Variants in URB1 observed in about 807,000 individuals in gnomAD.
URB1 encodes nucleolar pre-ribosomal-associated protein 1.
URB1 carries 197 observed loss-of-function variants against 242.3 expected under a neutral mutation model. The observed-to-expected ratio is 0.81, with a 90% CI of 0.72 to 0.91. The LOEUF is 0.91. Ranked by LOEUF, URB1 falls within the 40% of genes least tolerant of loss-of-function variation. The probability of loss-of-function intolerance (pLI) is 0.00; values close to 1 mark genes in which losing one functional copy is unlikely to be tolerated. For synonymous variants in URB1, 1,153 were observed against 1,201.8 expected, an observed-to-expected ratio of 0.96 and a Z score of 0.84; for missense variants, 2,721 against 2,860.5, an observed-to-expected ratio of 0.95 and a Z score of 1.11.
chr21:32,388,269 C>T (rs1156403936), intron 1 of URB1, among the ~76,000 whole-genome samples: 4 of 152,186 alleles, frequency 2.6e-5, no homozygotes, highest in African/African-American at 9.7e-5. Flanking sequence ...CAGAACCTAC[C>T]TGACAGGGTT....
In URB1 at chr21:32,333,360, G is replaced by A. The variant is rs191583154; in HGVS notation, c.4917C>T (p.Asp1639=). The A allele has an allele frequency of 8.4e-6, 13 of 1,551,764 alleles. No individual in the cohort carries two copies. The Admixed American group carries it at 9.8e-5, about 12-fold the overall frequency. The change falls in exon 30 of 39, where the codon GAC becomes GAT. Residue 1639 remains aspartate, a synonymous_variant. Coordinates refer to ENST00000382751, the MANE Select transcript of URB1 (RefSeq NM_014825.3). ...KSRVDLDGLY[D]PCFLLQLFSE... ...TGAAGAGCTGAAGGAGAAAGCAGGG[G>A]TCATAGAGGCCATCAAGATCCACCC...
At chr21:32,384,850 G>A (rs760160175) in intron 2 of URB1, among the ~76,000 whole-genome samples, 24 of 152,086 alleles carry the variant, frequency 1.6e-4, no homozygotes, top group Middle Eastern at 3.2e-3. Context: ...GCGTGGTGGC[G>A]GGCGCCTGTA....
chr21:32,326,030 G>A (rs1355994545), intron 30 of URB1, among the ~76,000 whole-genome samples: 1 of 151,830 alleles, frequency 6.6e-6, no homozygotes, highest in Non-Finnish European at 1.5e-5. Context: ...GCCGAGAGAA[G>A]CTGACAATCA....
chr21:32,354,300 A>C (rs1283359652), intron 17 of URB1, among the ~76,000 whole-genome samples, 197 bp from the exon 18 acceptor site: 2 of 152,224 alleles, frequency 1.3e-5, no homozygotes, highest in Non-Finnish European at 2.9e-5. Context: ...TTGTCTGATA[A>C]AATGCAGGAT....
chr21:32,325,220 C>A lies in URB1; in HGVS notation c.5121+9G>T. 6.5e-7 allele frequency: 1 copy of A among 1,547,718 alleles called. No homozygotes were observed. The highest frequency in any genetic ancestry group is 8.7e-7 in the Non-Finnish European group (1 of 1,144,080). Reference sequence around the variant, plus strand: ...CCCCCACAGTAGGATGTACGCTCTTCCTACTTACCTGGGACTGCTCTTGGA... The same window carrying A: ...CCCCCACAGTAGGATGTACGCTCTTACTACTTACCTGGGACTGCTCTTGGA... On this transcript the variant is annotated intron_variant, in intron 31 of 38. Coordinates refer to ENST00000382751, the MANE Select transcript of URB1 (RefSeq NM_014825.3).
At chr21:32,325,543 C>T (rs1254293849) in intron 30 of URB1, among the ~76,000 whole-genome samples, 154 bp from the exon 31 acceptor site, 2 of 152,234 alleles carry the variant, frequency 1.3e-5, no homozygotes, top group Non-Finnish European at 2.9e-5. Flanking sequence ...CTAACTTCTG[C>T]TGAAGTTAGA....
intron 36 of URB1, 108 bp downstream of exon 36, chr21:32,319,109 A>C (rs936048805): frequency 2.3e-5 from 26 of 1,143,690 alleles, no homozygotes; most frequent in Middle Eastern, 2.9e-4. Flanking sequence ...ATCACGGCCC[A>C]GCGTCCCCCT....
At chr21:32,359,008 G>A in intron 14 of URB1, among the ~76,000 whole-genome samples, 1 of 152,206 alleles carries the variant, frequency 6.6e-6, no homozygotes. Context: ...CAGCTACGAT[G>A]CAGGGAAGCC....
chr21:32,373,350 G>C (rs1197121742), intron 7 of URB1, among the ~76,000 whole-genome samples: 1 of 152,044 alleles, frequency 6.6e-6, no homozygotes, highest in Non-Finnish European at 1.5e-5. Flanking sequence ...AAGATGGCCG[G>C]GATGACCCTG....
Position 32,360,542 on chromosome 21 carries a change from C to A in URB1, c.1756+465G>T, listed in dbSNP as rs540056484. On this transcript the variant is annotated intron_variant, in intron 13 of 38. Transcript: ENST00000382751. ...ATAAAGTGGATCAGACAAACTTTACCATCCAGGAAACATGACCAGACAAGC... is the reference window on the plus strand; with the variant it reads ...ATAAAGTGGATCAGACAAACTTTACAATCCAGGAAACATGACCAGACAAGC... Among the ~76,000 whole-genome samples the A allele has an allele frequency of 5.3e-5, 8 of 152,258 alleles. No individual in the cohort carries two copies. The South Asian group carries it at 1.7e-3, about 32-fold the overall frequency.
In URB1 at chr21:32,338,885, G is replaced by GA; in HGVS notation, c.4331_4332insT (p.His1445ProfsTer49). On this transcript the variant is annotated frameshift_variant, in exon 26 of 39. Coordinates refer to ENST00000382751, the MANE Select transcript of URB1 (RefSeq NM_014825.3). LOFTEE classifies it high-confidence loss of function. ...TGAGGAGCATCTTTAAAAATGTGTG[G>GA]TCCTGGTACCGAAATCTAGGCGGCG... 1 of 1,538,470 alleles carries GA rather than the reference G, an allele frequency of 6.5e-7. No homozygotes were observed.
intron 5 of URB1, 45 bp from the exon 6 acceptor site, chr21:32,375,528 A>ATTT: frequency 8.5e-7 from 1 of 1,182,288 alleles, no homozygotes; most frequent in Non-Finnish European, 1.2e-6. Context: ...AATATTTTGA[A>ATTT]AATGAGAATA....
intron 36 of URB1, 42 bp from the exon 37 acceptor site, chr21:32,317,959 C>A (rs758278556): frequency 2.6e-6 from 4 of 1,546,856 alleles, no homozygotes; most frequent in Non-Finnish European, 3.5e-6. Context: ...AAGGCTGCTG[C>A]CCCTGCCTGG....
At chr21:32,389,397 C>T (rs2033615540) in intron 1 of URB1, among the ~76,000 whole-genome samples, 1 of 152,192 alleles carries the variant, frequency 6.6e-6, no homozygotes, top group Non-Finnish European at 1.5e-5. Context: ...AGAGGAGTGA[C>T]ATAATCAGAT....
intron 26 of URB1, among the ~76,000 whole-genome samples, chr21:32,338,423 C>A (rs2032987716): frequency 6.6e-6 from 1 of 152,166 alleles, no homozygotes; most frequent in African/African-American, 2.4e-5. Flanking sequence ...CCCCTCGATC[C>A]CAGATTTTAA....
rs114570536 is a variant in URB1 at position 32,378,533 on chromosome 21, G to A, written c.576C>T (p.Tyr192=). The A allele has an allele frequency of 3.6e-4, 555 of 1,551,418 alleles. 5 individuals carry two copies. The African/African-American group carries it at 5.3e-3, about 15-fold the overall frequency. Reference sequence around the variant, plus strand: ...ACTGAACGTAGGCCTGCCGAACGTCGTACACTCCCTAGAGGACAAAGGAGA... The same window carrying A: ...ACTGAACGTAGGCCTGCCGAACGTCATACACTCCCTAGAGGACAAAGGAGA... ...LVTKRDSKGV[Y]DVRQAYVQFA... Residue 192 remains tyrosine (Y), a synonymous_variant, in exon 5 of 39, where the codon TAC becomes TAT. Coordinates refer to ENST00000382751, the MANE Select transcript of URB1 (RefSeq NM_014825.3).
intron 25 of URB1, among the ~76,000 whole-genome samples, chr21:32,339,778 A>T (rs914076206): frequency 3.3e-5 from 5 of 152,230 alleles, no homozygotes; most frequent in African/African-American, 1.2e-4. Flanking sequence ...GGCGTGAGCC[A>T]CTGAGCCCAG....
In URB1 at chr21:32,332,252, G is replaced by A. The variant is rs146742802; in HGVS notation, c.4960+1065C>T. On this transcript the variant is annotated intron_variant, in intron 30 of 38. Transcript: ENST00000382751. ...ATAAGAAAAATTCCTCAGGATCTAG[G>A]AGTAGACAGAGTTCTTAGATGCCAA... 3.4e-3 allele frequency among the ~76,000 whole-genome samples: 519 copies of A among 152,066 alleles called. 14 individuals carry two copies. Among genetic ancestry groups the A allele is most frequent in the Admixed American group, 0.031 (469 of 15,280 alleles).
At chr21:32,330,571 T>C (rs2032882533) in intron 30 of URB1, among the ~76,000 whole-genome samples, 1 of 152,202 alleles carries the variant, frequency 6.6e-6, no homozygotes, top group South Asian at 2.1e-4. Context: ...TCCAAGCCTT[T>C]TTCTCCTGAA....
Sources: allele counts gnomAD v4.1 joint callset (sites outside exome capture counted in the v4.1 genomes callset), GRCh38; gene constraint gnomAD v4.1.1; transcripts MANE v1.5; gene names NCBI Gene and HGNC (gene_info 2026-07-23, HGNC 2026-07-21).